LMX1A: variants seen among roughly 807,000 people sequenced by gnomAD.
LMX1A encodes the protein LIM homeobox transcription factor 1 alpha.
Under a neutral mutation model 49.1 loss-of-function variants are expected in LMX1A, and 15 were observed. That is an observed-to-expected ratio of 0.31 (90% CI 0.20 to 0.47). LMX1A has a LOEUF of 0.47. Ranked by LOEUF, LMX1A falls within the 20% of genes least tolerant of loss-of-function variation. The pLI is 1.00. For missense variants in LMX1A, 372 were observed against 475.8 expected (o/e 0.78, Z 2.03); for synonymous variants, 167 against 185.7 (o/e 0.90, Z 0.82).
At chr1:165,216,949 T>C (rs1436305889) in intron 4 of LMX1A, among the ~76,000 whole-genome samples, 1 of 152,198 alleles carries the variant, frequency 6.6e-6, no homozygotes, top group Non-Finnish European at 1.5e-5. Context: ...GGATGATATA[T>C]GTAAAGGGTT....
intron 3 of LMX1A, among the ~76,000 whole-genome samples, chr1:165,281,746 A>ATGTGTGTGTGTGTG (rs56913866): frequency 1.0e-3 from 127 of 125,960 alleles, no homozygotes; most frequent in African/African-American, 3.2e-3. Flanking sequence ...GTGTGTGTGT[A>ATGTGTGTGTGTGTG]TGTGTGTGTG....
chr1:165,238,602 C>T (rs1483596018), intron 4 of LMX1A, among the ~76,000 whole-genome samples: 1 of 152,040 alleles, frequency 6.6e-6, no homozygotes, highest in East Asian at 1.9e-4. Flanking sequence ...ATTTTGAACG[C>T]GTGTGTAAAC....
intron 3 of LMX1A, among the ~76,000 whole-genome samples, chr1:165,285,470 C>A (rs549356237): frequency 1.3e-5 from 2 of 152,244 alleles, no homozygotes; most frequent in African/African-American, 2.4e-5. Context: ...ATGCTGCACA[C>A]CTTTTCTGTT....
At chr1:165,331,907 A>G (rs1421682370) in intron 3 of LMX1A, among the ~76,000 whole-genome samples, 1 of 152,220 alleles carries the variant, frequency 6.6e-6, no homozygotes, top group African/African-American at 2.4e-5. Flanking sequence ...ACAAAGTGAG[A>G]CACGGTCTCG....
At chr1:165,232,373 T>A (rs1652268966) in intron 4 of LMX1A, among the ~76,000 whole-genome samples, 1 of 152,192 alleles carries the variant, frequency 6.6e-6, no homozygotes, top group African/African-American at 2.4e-5. Context: ...CATTGCATGG[T>A]TTTATCAGCC....
At chr1:165,256,706 C>T (rs1653252345) in intron 3 of LMX1A, among the ~76,000 whole-genome samples, 1 of 152,062 alleles carries the variant, frequency 6.6e-6, no homozygotes, top group Non-Finnish European at 1.5e-5. Flanking sequence ...TTCTTACTCC[C>T]ATTTTTATAT....
intron 3 of LMX1A, among the ~76,000 whole-genome samples, chr1:165,310,380 CTTCT>C (rs1259487258): frequency 1.3e-5 from 2 of 152,192 alleles, no homozygotes; most frequent in African/African-American, 2.4e-5. Flanking sequence ...CAAAAAGCAC[CTTCT>C]TTGTCTGTTT....
chr1:165,227,734 AAATT>A (rs1652086571), intron 4 of LMX1A, among the ~76,000 whole-genome samples: 1 of 152,170 alleles, frequency 6.6e-6, no homozygotes, highest in Non-Finnish European at 1.5e-5. Context: ...CAAGAAATTC[AAATT>A]ATTAATATTT....
intron 4 of LMX1A, among the ~76,000 whole-genome samples, chr1:165,244,057 A>G (rs1419334454): frequency 6.6e-6 from 1 of 152,164 alleles, no homozygotes; most frequent in Non-Finnish European, 1.5e-5. Flanking sequence ...CTGACCACCA[A>G]TGGGTAATGA....
At chr1:165,342,540 G>A (rs1007506224) in intron 3 of LMX1A, among the ~76,000 whole-genome samples, 11 of 152,024 alleles carry the variant, frequency 7.2e-5, no homozygotes, top group African/African-American at 2.7e-4. Flanking sequence ...TGCTAGAGGG[G>A]CAATAGAGAT....
Position 165,273,427 on chromosome 1 carries a change from T to C in LMX1A, c.264-23787A>G, listed in dbSNP as rs141859545. ...ATACAAAGCCCATTCACACAGCCAA[T>C]TCACACAGGCAACTCAAAGGAGAAA... is the stretch of plus-strand genomic sequence containing the variant. On this transcript the variant is annotated intron_variant, in intron 3 of 8. Coordinates refer to ENST00000342310, the MANE Select transcript of LMX1A (RefSeq NM_177398.4). Among the ~76,000 whole-genome samples, 98 of 152,216 alleles carry C rather than the reference T, an allele frequency of 6.4e-4. 1 individual carries two copies. The highest frequency in any genetic ancestry group is 2.2e-3 in the African/African-American group (90 of 41,526).
chr1:165,227,409 C>G (rs1243310466), intron 4 of LMX1A, among the ~76,000 whole-genome samples: 1 of 152,100 alleles, frequency 6.6e-6, no homozygotes, highest in East Asian at 1.9e-4. Context: ...GGTATGTTGG[C>G]ACACACCTGT....
chr1:165,239,446 C>T (rs1164033822), intron 4 of LMX1A, among the ~76,000 whole-genome samples: 1 of 152,084 alleles, frequency 6.6e-6, no homozygotes, highest in Non-Finnish European at 1.5e-5. Flanking sequence ...CTGGCTTATC[C>T]CTGGCTCAAG....
At chr1:165,204,246 A>T (rs1319289408) in intron 8 of LMX1A, among the ~76,000 whole-genome samples, 1 of 152,210 alleles carries the variant, frequency 6.6e-6, no homozygotes, top group African/African-American at 2.4e-5. Flanking sequence ...CAAAGTGCTA[A>T]ATTGAGTGCA....
At chr1:165,243,357 AG>A (rs1196761825) in intron 4 of LMX1A, among the ~76,000 whole-genome samples, 1 of 152,218 alleles carries the variant, frequency 6.6e-6, no homozygotes, top group African/African-American at 2.4e-5. Context: ...CCAGGCCCCA[AG>A]CCCCTGCCTC....
chr1:165,241,628 G>C (rs1170636931), intron 4 of LMX1A, among the ~76,000 whole-genome samples: 1 of 152,176 alleles, frequency 6.6e-6, no homozygotes, highest in Non-Finnish European at 1.5e-5. Flanking sequence ...CATAACTTCT[G>C]CTGACCTTTT....
chr1:165,343,897 T>C (rs527358648), intron 3 of LMX1A, among the ~76,000 whole-genome samples: 2 of 152,278 alleles, frequency 1.3e-5, no homozygotes, highest in East Asian at 3.9e-4. Context: ...ACCCTTCCGG[T>C]TAAAAAGTAT....
chr1:165,349,610 C>G (rs1247378531), intron 3 of LMX1A, among the ~76,000 whole-genome samples: 1 of 145,978 alleles, frequency 6.9e-6, no homozygotes, highest in Non-Finnish European at 1.5e-5. Context: ...ACACTCTCAC[C>G]TTAAATGCTT....
chr1:165,354,140 A>G (rs1002580019), intron 2 of LMX1A, among the ~76,000 whole-genome samples: 1 of 152,084 alleles, frequency 6.6e-6, no homozygotes, highest in Non-Finnish European at 1.5e-5. Flanking sequence ...TTTCACAGCT[A>G]TTTAAAGAAG....
Sources: gnomAD v4.1 joint callset for allele counts (sites outside exome capture counted in the v4.1 genomes callset) on GRCh38, gnomAD v4.1.1 for gene constraint, MANE v1.5 for transcripts, NCBI Gene and HGNC (gene_info 2026-07-23, HGNC 2026-07-21) for gene names.